AUTS2: variants seen among roughly 807,000 people sequenced by gnomAD.
AUTS2 encodes autism susceptibility gene 2 protein.
Under a neutral mutation model 112.4 loss-of-function variants are expected in AUTS2, and 17 were observed. The ratio of observed to expected loss-of-function variants is 0.15; its 90% CI spans 0.10 to 0.23. AUTS2 has a LOEUF of 0.23. Among genes scored for constraint, AUTS2 ranks in the 10% least tolerant of loss-of-function variants. The pLI is 1.00. For missense variants in AUTS2, 1,510 were observed against 1,701.6 expected (o/e 0.89, Z 1.98); for synonymous variants, 751 against 702.7 (o/e 1.07, Z -1.09).
At chr7:69,996,765 TGTTA>T (rs1798960515) in intron 2 of AUTS2, among the ~76,000 whole-genome samples, 1 of 152,062 alleles carries the variant, frequency 6.6e-6, no homozygotes, top group African/African-American at 2.4e-5. Context: ...CTGCTATATT[TGTTA>T]AACTATAATT....
Position 69,793,032 on chromosome 7 carries a change from T to C in AUTS2, c.310-106254T>C, listed in dbSNP as rs1789686326. ...CAGTCCCTTTTCCTAGCCCCTGGCT[T>C]CAGTATATCTTTCACAAAAATACCT... On this transcript the variant is annotated intron_variant, in intron 1 of 18. Coordinates refer to ENST00000342771, the MANE Select transcript of AUTS2 (RefSeq NM_015570.4). Among the ~76,000 whole-genome samples the C allele has an allele frequency of 2.0e-5, 3 of 152,314 alleles. No individual in the cohort carries two copies. The South Asian group carries it at 6.2e-4, about 32-fold the overall frequency.
chr7:70,748,666 G>C (rs1788616114), intron 6 of AUTS2, among the ~76,000 whole-genome samples: 1 of 152,300 alleles, frequency 6.6e-6, no homozygotes, highest in Non-Finnish European at 1.5e-5. Flanking sequence ...TAAAGAAGCA[G>C]TGTTCTTCTG....
At chr7:69,807,044 C>T (rs1362270603) in intron 1 of AUTS2, among the ~76,000 whole-genome samples, 1 of 152,008 alleles carries the variant, frequency 6.6e-6, no homozygotes, top group African/African-American at 2.4e-5. Flanking sequence ...TGTTTAGTTT[C>T]CTGGACCTCA....
chr7:70,140,899 G>A (rs1212660196), intron 4 of AUTS2, among the ~76,000 whole-genome samples: 1 of 152,168 alleles, frequency 6.6e-6, no homozygotes, highest in African/African-American at 2.4e-5. Flanking sequence ...TAACTCACAA[G>A]TATGACTTAA....
intron 1 of AUTS2, among the ~76,000 whole-genome samples, chr7:69,704,170 G>A (rs911275280): frequency 3.9e-5 from 6 of 152,046 alleles, no homozygotes; most frequent in Non-Finnish European, 5.9e-5. Context: ...CTCTGCTGTT[G>A]AACTGGGTTC....
intron 4 of AUTS2, among the ~76,000 whole-genome samples, chr7:70,361,367 A>T (rs1792257674): frequency 6.6e-6 from 1 of 151,990 alleles, no homozygotes. Flanking sequence ...AAATCAAGTC[A>T]GATAATGACG....
chr7:70,310,284 C>T (rs6460542), intron 4 of AUTS2, among the ~76,000 whole-genome samples: 48,544 of 151,696 alleles, frequency 0.32, 8,270 homozygotes, highest in African/African-American at 0.44. Context: ...AATTCAATCT[C>T]CTATGCAGTC....
chr7:70,054,016 A>G (rs1185556486), intron 2 of AUTS2, among the ~76,000 whole-genome samples: 1 of 152,232 alleles, frequency 6.6e-6, no homozygotes, highest in Non-Finnish European at 1.5e-5. Context: ...AAACCAAAAG[A>G]AAAACCTTTT....
chr7:69,774,408 T>G (rs1422535536), intron 1 of AUTS2, among the ~76,000 whole-genome samples: 1 of 152,090 alleles, frequency 6.6e-6, no homozygotes, highest in Non-Finnish European at 1.5e-5. Flanking sequence ...AAAAATAAAA[T>G]AAGTAAATAT....
At chr7:70,452,371 AT>A (rs1433524771) in intron 5 of AUTS2, among the ~76,000 whole-genome samples, 6 of 152,100 alleles carry the variant, frequency 3.9e-5, no homozygotes, top group Non-Finnish European at 7.4e-5. Flanking sequence ...AGGGAGGAGG[AT>A]TGCGTGAGCC....
intron 2 of AUTS2, among the ~76,000 whole-genome samples, chr7:69,968,458 G>A (rs1355577567): frequency 1.3e-5 from 2 of 152,070 alleles, no homozygotes; most frequent in African/African-American, 4.8e-5. Flanking sequence ...ACTTACCGGG[G>A]CTGTTTGACA....
chr7:70,264,742 G>A (rs1235908694), intron 4 of AUTS2, among the ~76,000 whole-genome samples: 1 of 152,116 alleles, frequency 6.6e-6, no homozygotes, highest in Non-Finnish European at 1.5e-5. Flanking sequence ...TAGTTTTAGG[G>A]GAATGTGTGC....
chr7:70,732,396 G>A (rs2129552875), intron 6 of AUTS2, among the ~76,000 whole-genome samples: 1 of 152,240 alleles, frequency 6.6e-6, no homozygotes. Flanking sequence ...AGATAGGGAT[G>A]GACCAGTCTA....
chr7:70,776,753 G>A (rs1390408274), intron 13 of AUTS2: 1 of 362,946 alleles, frequency 2.8e-6, no homozygotes, highest in African/African-American at 2.1e-5. Flanking sequence ...CATTTGTTAA[G>A]TAGGGCTTCC....
chr7:70,750,968 C>G (rs1425751355), intron 6 of AUTS2, among the ~76,000 whole-genome samples: 2 of 152,186 alleles, frequency 1.3e-5, no homozygotes, highest in African/African-American at 4.8e-5. Flanking sequence ...CATTGGCCAA[C>G]CTTAATGGGC....
At chr7:70,415,223 G>T (rs1794940724) in intron 4 of AUTS2, among the ~76,000 whole-genome samples, 1 of 152,172 alleles carries the variant, frequency 6.6e-6, no homozygotes, top group Non-Finnish European at 1.5e-5. Context: ...TGAAATGAAG[G>T]TTGGGGGCAG....
intron 2 of AUTS2, among the ~76,000 whole-genome samples, chr7:70,071,769 G>A (rs982265492): frequency 4.6e-5 from 7 of 152,260 alleles, no homozygotes; most frequent in Admixed American, 1.3e-4. Flanking sequence ...CAGATGGTTC[G>A]ATCTATGAGA....
intron 1 of AUTS2, among the ~76,000 whole-genome samples, chr7:69,753,045 TG>T (rs1230380819): frequency 1.3e-5 from 2 of 152,206 alleles, no homozygotes; most frequent in Non-Finnish European, 2.9e-5. Flanking sequence ...GTTTAGATAT[TG>T]GCTTCACTGA....
chr7:70,000,456 C>T (rs899392954), intron 2 of AUTS2, among the ~76,000 whole-genome samples: 3 of 152,090 alleles, frequency 2.0e-5, no homozygotes, highest in African/African-American at 7.2e-5. Context: ...AATTCAGTCA[C>T]AAAACTGAAA....
Sources: gnomAD v4.1 joint callset for allele counts (sites outside exome capture counted in the v4.1 genomes callset) on GRCh38, gnomAD v4.1.1 for gene constraint, MANE v1.5 for transcripts, NCBI Gene and HGNC (gene_info 2026-07-23, HGNC 2026-07-21) for gene names.